Variants in PDSS2 observed in about 807,000 individuals in gnomAD.
PDSS2 encodes the protein decaprenyl diphosphate synthase subunit 2.
Under a neutral mutation model 44.5 loss-of-function variants are expected in PDSS2, and 31 were observed. The observed-to-expected ratio is 0.70, with a 90% confidence interval of 0.52 to 0.94. The LOEUF is 0.94. Ranked by LOEUF, PDSS2 falls within the 40% of genes least tolerant of loss-of-function variation. The pLI is 0.00. For synonymous variants in PDSS2, 157 were observed against 180.3 expected, an observed-to-expected ratio of 0.87 and a Z score of 1.03; for missense variants, 452 against 482.2, an observed-to-expected ratio of 0.94 and a Z score of 0.59.
intron 2 of PDSS2, among the ~76,000 whole-genome samples, chr6:107,299,476 C>T (rs1231011992): frequency 1.3e-5 from 2 of 152,112 alleles, no homozygotes; most frequent in Non-Finnish European, 2.9e-5. Flanking sequence ...AGAGGATCTG[C>T]ACCTGCTCTT....
At chr6:107,286,136 T>TA (rs1554262539) in intron 2 of PDSS2, among the ~76,000 whole-genome samples, 3 of 128,742 alleles carry the variant, frequency 2.3e-5, no homozygotes, top group African/African-American at 9.2e-5. Flanking sequence ...CGTCGCAAAA[T>TA]AAAAAAAAAA....
intron 1 of PDSS2, among the ~76,000 whole-genome samples, chr6:107,340,904 A>G (rs1387775354): frequency 2.0e-5 from 3 of 152,242 alleles, no homozygotes; most frequent in Non-Finnish European, 2.9e-5. Flanking sequence ...AAACAAGTCC[A>G]GGAAAACAGA....
chr6:107,344,010 A>C (rs976161466), intron 1 of PDSS2, among the ~76,000 whole-genome samples: 2 of 152,304 alleles, frequency 1.3e-5, no homozygotes. Flanking sequence ...AATTCTAAGA[A>C]GACAAATGAC....
chr6:107,159,323 G>C (rs1771031251), intron 7 of PDSS2, among the ~76,000 whole-genome samples: 3 of 144,062 alleles, frequency 2.1e-5, no homozygotes, highest in Admixed American at 2.1e-4. Flanking sequence ...AAGGGAGGGA[G>C]GGAAGGAGGA....
intron 1 of PDSS2, among the ~76,000 whole-genome samples, chr6:107,445,188 T>TATATA: frequency 6.7e-6 from 1 of 149,888 alleles, no homozygotes; most frequent in East Asian, 1.9e-4. Flanking sequence ...ATTACATATT[T>TATATA]TATATATATA....
rs141596909 is a variant in PDSS2 at position 107,237,235 on chromosome 6, TTTTA to T, written c.702+8309_702+8312del. Among the ~76,000 whole-genome samples the T allele has an allele frequency of 4.1e-3, 622 of 151,838 alleles. 5 individuals are homozygous for T. Among genetic ancestry groups the T allele is most frequent in the African/African-American group, 0.014 (588 of 41,316 alleles). The stretch of plus-strand genomic sequence containing the variant: ...GATATCAGCCATCACTCCTGGCCTC[TTTTA>T]TTTATTTATTTATTTATTTATGAGA... On this transcript the variant is annotated intron_variant, in intron 4 of 7. Transcript: ENST00000369037.
chr6:107,356,387 A>G (rs1280243394), intron 1 of PDSS2, among the ~76,000 whole-genome samples: 1 of 152,240 alleles, frequency 6.6e-6, no homozygotes, highest in Non-Finnish European at 1.5e-5. Context: ...TCTTTTACAA[A>G]AATGACCTTA....
At chr6:107,309,717 C>A (rs1348917750) in intron 2 of PDSS2, among the ~76,000 whole-genome samples, 1 of 152,140 alleles carries the variant, frequency 6.6e-6, no homozygotes, top group African/African-American at 2.4e-5. Flanking sequence ...TGTGTTTCTA[C>A]AAAGTCCTTA....
intron 7 of PDSS2, chr6:107,192,337 C>G (rs73523781): frequency 0.021 from 10,649 of 509,820 alleles, 738 homozygotes; most frequent in African/African-American, 0.17. Flanking sequence ...AAGGACTTGA[C>G]AGCCTCTGAG....
At chr6:107,301,905 CA>C (rs1236418715) in intron 2 of PDSS2, among the ~76,000 whole-genome samples, 3 of 105,220 alleles carry the variant, frequency 2.9e-5, no homozygotes, top group African/African-American at 1.2e-4. Context: ...GCCTGGGTGA[CA>C]GTGAGACTCT....
intron 1 of PDSS2, among the ~76,000 whole-genome samples, chr6:107,458,598 T>C (rs1782134154): frequency 6.6e-6 from 1 of 151,724 alleles, no homozygotes; most frequent in African/African-American, 2.4e-5. Context: ...TTGCCTACTT[T>C]CTGGAGGTGA....
chr6:107,399,893 G>A (rs1288399163), intron 1 of PDSS2, among the ~76,000 whole-genome samples: 5 of 152,030 alleles, frequency 3.3e-5, no homozygotes, highest in African/African-American at 1.2e-4. Flanking sequence ...CATCCATTTG[G>A]AAATAACAAA....
chr6:107,176,381 T>C (rs1771786187), intron 7 of PDSS2, among the ~76,000 whole-genome samples: 2 of 151,778 alleles, frequency 1.3e-5, no homozygotes, highest in South Asian at 2.1e-4. Context: ...CCAAATCATA[T>C]TGACTATTTA....
intron 1 of PDSS2, among the ~76,000 whole-genome samples, chr6:107,359,568 G>A (rs1778701588): frequency 6.7e-6 from 1 of 150,366 alleles, no homozygotes; most frequent in Non-Finnish European, 1.5e-5. Flanking sequence ...AGGTTGCAGT[G>A]ACCTGAGATT....
At chr6:107,167,700 A>C (rs773830011) in intron 7 of PDSS2, among the ~76,000 whole-genome samples, 60 of 152,322 alleles carry the variant, frequency 3.9e-4, no homozygotes, top group Middle Eastern at 3.4e-3. Flanking sequence ...TTGGTTTCAA[A>C]GAACATATTT....
At chr6:107,229,967 G>T (rs1773981909) in intron 4 of PDSS2, 1 of 214,362 alleles carries the variant, frequency 4.7e-6, no homozygotes, top group African/African-American at 2.3e-5. Flanking sequence ...AAGAAAACTG[G>T]CTTTGGCATG....
At chr6:107,450,772 TAA>T (rs1409829204) in intron 1 of PDSS2, among the ~76,000 whole-genome samples, 1 of 152,218 alleles carries the variant, frequency 6.6e-6, no homozygotes, top group East Asian at 1.9e-4. Flanking sequence ...TTCTCTGGAA[TAA>T]ATGCTCAGGA....
At chr6:107,452,263 A>C (rs1781891673) in intron 1 of PDSS2, among the ~76,000 whole-genome samples, 1 of 150,078 alleles carries the variant, frequency 6.7e-6, no homozygotes, top group Non-Finnish European at 1.5e-5. Context: ...TTTGCAACAG[A>C]GTGTCACTCT....
intron 1 of PDSS2, among the ~76,000 whole-genome samples, chr6:107,398,849 A>T (rs1039575024): frequency 6.6e-6 from 1 of 152,150 alleles, no homozygotes; most frequent in Non-Finnish European, 1.5e-5. Flanking sequence ...GGAGAAACCA[A>T]TTGGCCATCT....
Sources: allele counts gnomAD v4.1 joint callset (sites outside exome capture counted in the v4.1 genomes callset), GRCh38; gene constraint gnomAD v4.1.1; transcripts MANE v1.5; gene names NCBI Gene and HGNC (gene_info 2026-07-23, HGNC 2026-07-21).